The following ATAD2B variants were observed in gnomAD, a reference collection of about 807,000 sequenced individuals.
ATAD2B encodes the protein ATPase family AAA domain containing 2B.
ATAD2B carries 40 observed loss-of-function variants against 167.6 expected under a neutral mutation model. The observed-to-expected ratio is 0.24, with a 90% confidence interval of 0.19 to 0.31. The LOEUF (loss-of-function observed/expected upper bound fraction) is 0.31. Ranked by LOEUF, ATAD2B falls within the 10% of genes least tolerant of loss-of-function variation. The pLI, the probability that ATAD2B is intolerant of heterozygous loss-of-function variation, is 1.00. For synonymous variants in ATAD2B, 579 were observed against 596.5 expected (o/e 0.97, Z 0.43); for missense variants, 1,242 against 1,757.2 (o/e 0.71, Z 5.24).
the ATAD2B span, chr2:23,691,884 CG>C: frequency 1.9e-6 from 3 of 1,547,420 alleles, no homozygotes; most frequent in African/African-American, 1.4e-5. Context: ...TCGGTGAGCC[CG>C]GGGGCCACAT....
intron 2 of ATAD2B, among the ~76,000 whole-genome samples, chr2:23,889,765 C>T (rs1162980500): frequency 2.0e-5 from 3 of 151,730 alleles, no homozygotes; most frequent in African/African-American, 7.3e-5. Flanking sequence ...ACCAAAAATA[C>T]AAAAATTGCT....
At chr2:23,703,351 G>T in the ATAD2B span, 5 of 1,524,754 alleles carry the variant, frequency 3.3e-6, no homozygotes, top group Non-Finnish European at 3.5e-6. Flanking sequence ...AGACCAACAC[G>T]TGGAGCTTCA....
chr2:23,790,020 T>G (rs917971369), intron 19 of ATAD2B, among the ~76,000 whole-genome samples: 3 of 152,182 alleles, frequency 2.0e-5, no homozygotes, highest in Non-Finnish European at 4.4e-5. Flanking sequence ...ATTTAAAAGT[T>G]CATAAAATTT....
the ATAD2B span, among the ~76,000 whole-genome samples, chr2:23,739,266 T>G: frequency 1.3e-5 from 2 of 151,888 alleles, no homozygotes; most frequent in Non-Finnish European, 2.9e-5. Context: ...AGCACCACAC[T>G]ACACCTACTC....
intron 24 of ATAD2B, among the ~76,000 whole-genome samples, chr2:23,759,460 C>T (rs1676384837): frequency 6.6e-6 from 1 of 152,242 alleles, no homozygotes; most frequent in Non-Finnish European, 1.5e-5. Flanking sequence ...TAGAATCTAT[C>T]AACAGTGTAG....
chr2:23,819,346 C>G (rs549912691), intron 17 of ATAD2B, among the ~76,000 whole-genome samples: 36 of 152,178 alleles, frequency 2.4e-4, no homozygotes, highest in Middle Eastern at 3.4e-3. Flanking sequence ...CAAAAATTAG[C>G]TGGGCGTGGT....
intron 10 of ATAD2B, 35 bp from the exon 11 acceptor site, chr2:23,864,959 A>C: frequency 8.2e-7 from 1 of 1,217,568 alleles, no homozygotes; most frequent in Non-Finnish European, 1.1e-6. Flanking sequence ...ATATCAAACA[A>C]TTTTATATGT....
At chr2:23,863,682 CT>C (rs1694751794) in intron 11 of ATAD2B, 127 bp from the exon 12 acceptor site, 14 of 893,918 alleles carry the variant, frequency 1.6e-5, no homozygotes, top group Non-Finnish European at 2.3e-5. Context: ...ATTGATAAAG[CT>C]TTTTCCAGGA....
intron 23 of ATAD2B, among the ~76,000 whole-genome samples, chr2:23,765,041 C>T (rs1677221290): frequency 6.6e-6 from 1 of 152,178 alleles, no homozygotes; most frequent in Non-Finnish European, 1.5e-5. Context: ...AATGTGAGTT[C>T]CTCAAGGACA....
chr2:23,816,095 C>T (rs1345925574), intron 17 of ATAD2B, among the ~76,000 whole-genome samples: 4 of 152,008 alleles, frequency 2.6e-5, no homozygotes, highest in Admixed American at 2.6e-4. Context: ...GTCAACTAAA[C>T]AAAAAGATAT....
At chr2:23,843,186 A>C (rs529077261) in intron 13 of ATAD2B, among the ~76,000 whole-genome samples, 1 of 152,364 alleles carries the variant, frequency 6.6e-6, no homozygotes, top group Admixed American at 6.5e-5. Flanking sequence ...TGTAAGTCCT[A>C]GGACTGAAAA....
chr2:23,691,956 C>A, the ATAD2B span: 1 of 1,402,242 alleles, frequency 7.1e-7, no homozygotes, highest in Non-Finnish European at 9.7e-7. Context: ...AAGGACTGAG[C>A]GGGGAGGTCT....
chr2:23,882,207 A>G (rs1365463844), intron 6 of ATAD2B, among the ~76,000 whole-genome samples: 1 of 150,312 alleles, frequency 6.7e-6, no homozygotes, highest in Non-Finnish European at 1.5e-5. Flanking sequence ...TTTTTTTTTT[A>G]TTTTTATTTT....
chr2:23,852,581 A>G (rs2149913471), intron 13 of ATAD2B, among the ~76,000 whole-genome samples: 1 of 152,350 alleles, frequency 6.6e-6, no homozygotes, highest in South Asian at 2.1e-4. Flanking sequence ...ACAATATATT[A>G]TGAGCAAGTG....
the ATAD2B span, chr2:23,706,565 C>T: frequency 7.4e-5 from 114 of 1,537,152 alleles, no homozygotes; most frequent in African/African-American, 1.4e-3. Flanking sequence ...TGGAGGCCTA[C>T]GAGCCCACAA....
chr2:23,703,697 G>A, the ATAD2B span: 1 of 1,526,248 alleles, frequency 6.6e-7, no homozygotes, highest in African/African-American at 1.4e-5. Flanking sequence ...GCCGTGACCT[G>A]CCTGCTCTGC....
At chr2:23,807,954 T>A (rs1684772255) in intron 18 of ATAD2B, among the ~76,000 whole-genome samples, 1 of 121,218 alleles carries the variant, frequency 8.2e-6, no homozygotes, top group Admixed American at 9.6e-5. Context: ...TATATAAATA[T>A]TTATAATATA....
the ATAD2B span, among the ~76,000 whole-genome samples, chr2:23,743,060 T>C: frequency 6.6e-6 from 1 of 151,864 alleles, no homozygotes; most frequent in African/African-American, 2.4e-5. Context: ...AAGCACCGAC[T>C]TCTCAGCAGC....
intron 14 of ATAD2B, among the ~76,000 whole-genome samples, chr2:23,829,610 T>C (rs941778486): frequency 2.0e-5 from 3 of 152,146 alleles, no homozygotes; most frequent in South Asian, 2.1e-4. Flanking sequence ...TTTTAATTAA[T>C]TGGGCATGGT....
Sources: allele counts gnomAD v4.1 joint callset (sites outside exome capture counted in the v4.1 genomes callset), GRCh38; gene constraint gnomAD v4.1.1; transcripts MANE v1.5; gene names NCBI Gene and HGNC (gene_info 2026-07-23, HGNC 2026-07-21).